Variants in GYS2 observed in about 807,000 individuals in gnomAD.
GYS2 encodes glycogen synthase 2, also known as glycogen [starch] synthase, liver.
In GYS2, 80 loss-of-function variants were observed where a neutral mutation model predicts 85.6. That is an observed-to-expected ratio of 0.93 (90% CI 0.78 to 1.13). GYS2 has a LOEUF of 1.13. Ranked by LOEUF, GYS2 falls within the 50% of genes most tolerant of loss-of-function variation. The probability of loss-of-function intolerance (pLI) is 0.00; values close to 1 mark genes in which losing one functional copy is unlikely to be tolerated. For missense variants in GYS2, 881 were observed against 854.9 expected, an observed-to-expected ratio of 1.03 and a Z score of -0.38; for synonymous variants, 328 against 300.7, an observed-to-expected ratio of 1.09 and a Z score of -0.94.
chr12:21,551,160 C>A (rs1354565561), intron 11 of GYS2, among the ~76,000 whole-genome samples: 6 of 102,990 alleles, frequency 5.8e-5, no homozygotes, highest in African/African-American at 1.9e-4. Flanking sequence ...TCCCTCCCCC[C>A]TCCCCCCACC....
At chr12:21,558,786 T>C (rs1397967434) in intron 10 of GYS2, among the ~76,000 whole-genome samples, 1 of 152,202 alleles carries the variant, frequency 6.6e-6, no homozygotes, top group Non-Finnish European at 1.5e-5. Context: ...AAATTCTATG[T>C]TTTGGAAGTA....
intron 1 of GYS2, among the ~76,000 whole-genome samples, chr12:21,590,462 A>T (rs1343840981): frequency 6.6e-6 from 1 of 152,180 alleles, no homozygotes; most frequent in Non-Finnish European, 1.5e-5. Context: ...CACCTCCTGC[A>T]TGTGCCACCT....
At chr12:21,557,765 T>TG (rs1944198924) in intron 11 of GYS2, among the ~76,000 whole-genome samples, 1 of 151,932 alleles carries the variant, frequency 6.6e-6, no homozygotes, top group South Asian at 2.1e-4. Context: ...CGGGCATGGT[T>TG]GCGGGCGCCT....
intron 13 of GYS2, 44 bp downstream of exon 13, chr12:21,542,452 G>A (rs1591777437): frequency 1.7e-6 from 2 of 1,167,696 alleles, no homozygotes; most frequent in Non-Finnish European, 1.3e-6. Context: ...TGTTTGGTTA[G>A]AGGTCATGTC....
rs1364963978 is a variant in GYS2 at position 21,575,897 on chromosome 12, A to C, written c.464T>G (p.Phe155Cys). Residue 155 changes from phenylalanine (F) to cysteine (C), a missense_variant, in exon 3 of 16, where the codon TTT becomes TGT. Transcript: ENST00000261195. ...TAAGAACCAGGCAGTTAAAGATCCAAATATCAGCATATCATTGGCTTCTCG... is the reference window on the plus strand; with the variant it reads ...TAAGAACCAGGCAGTTAAAGATCCACATATCAGCATATCATTGGCTTCTCG... ...HDREANDMLI[F>C]GSLTAWFLKE... 5 of 1,613,828 alleles carry C rather than the reference A, an allele frequency of 3.1e-6. No homozygotes were observed. The highest frequency in any genetic ancestry group is 3.4e-6 in the Non-Finnish European group (4 of 1,179,760).
Position 21,580,463 on chromosome 12 carries a change from T to C in GYS2, c.182A>G (p.Glu61Gly). 1 of 1,613,396 alleles carries C rather than the reference T, an allele frequency of 6.2e-7. No homozygotes were observed. Among genetic ancestry groups the C allele is most frequent in the Non-Finnish European group, 8.5e-7 (1 of 1,179,438 alleles). The change falls in exon 2 of 16, where the codon GAG (glutamate) becomes GGG (glycine). Residue 61 changes from glutamate to glycine, a missense_variant. By Grantham distance (98) the Glu-to-Gly change is moderately conservative (BLOSUM62 -2). Transcript: ENST00000261195. ...KAKTTADEWG[E>G]NYFLIGPYFE... ...ATATGGACCTATCAGAAAATAGTTC[T>C]CTCCCCATTCATCTGCTGTTGTTTT...
At chr12:21,555,332 C>A (rs1223867271) in intron 11 of GYS2, among the ~76,000 whole-genome samples, 1 of 151,816 alleles carries the variant, frequency 6.6e-6, no homozygotes, top group Admixed American at 6.6e-5. Context: ...TATTTCTGTC[C>A]CTTAGTATTA....
chr12:21,603,492 A>C (rs796454114), intron 1 of GYS2, among the ~76,000 whole-genome samples: 6 of 152,264 alleles, frequency 3.9e-5, no homozygotes, highest in African/African-American at 1.4e-4. Flanking sequence ...AATATATCAC[A>C]TTCTGGTTAT....
In GYS2 at chr12:21,551,557, T is replaced by G. The variant is rs1437575790; in HGVS notation, c.1423-5087A>C. On this transcript the variant is annotated intron_variant, in intron 11 of 15. Coordinates refer to ENST00000261195, the MANE Select transcript of GYS2 (RefSeq NM_021957.4). ...TGAAGTCTTTGTTTTATTGGAGAGATTTACCCCTTGGATCCTCAAGGACAT... is the reference window on the plus strand; with the variant it reads ...TGAAGTCTTTGTTTTATTGGAGAGAGTTACCCCTTGGATCCTCAAGGACAT... Among the ~76,000 whole-genome samples the G allele has an allele frequency of 1.3e-5, 2 of 151,718 alleles. 1 individual carries two copies. Among genetic ancestry groups the G allele is most frequent in the East Asian group, 3.9e-4 (2 of 5,172 alleles).
chr12:21,543,275 C>G (rs1944000559), intron 12 of GYS2, among the ~76,000 whole-genome samples: 1 of 152,142 alleles, frequency 6.6e-6, no homozygotes, highest in Admixed American at 6.6e-5. Flanking sequence ...AAAGATCTTC[C>G]CATTACCCAT....
intron 7 of GYS2, among the ~76,000 whole-genome samples, chr12:21,562,063 T>G (rs559498192): frequency 6.6e-6 from 1 of 152,346 alleles, no homozygotes; most frequent in Non-Finnish European, 1.5e-5. Context: ...CTGCCATCAA[T>G]AGCTATGACA....
intron 12 of GYS2, among the ~76,000 whole-genome samples, chr12:21,545,103 A>T (rs1359110757): frequency 6.6e-6 from 1 of 152,202 alleles, no homozygotes; most frequent in Non-Finnish European, 1.5e-5. Context: ...GGCAACATTT[A>T]CTATCTCAAT....
intron 5 of GYS2, among the ~76,000 whole-genome samples, chr12:21,565,749 AT>A (rs947044183): frequency 4.6e-5 from 7 of 151,716 alleles, no homozygotes; most frequent in African/African-American, 1.7e-4. Flanking sequence ...CCGTTCCATA[AT>A]TTTTTCCTTT....
Position 21,563,244 on chromosome 12 carries a change from G to A in GYS2, c.925C>T (p.Arg309Ter), listed in dbSNP as rs267603422. The change falls in exon 6 of 16, where the codon CGA (arginine) becomes TGA (stop). Residue 309 changes from arginine to a stop codon, truncating the protein, a stop_gained. Coordinates refer to ENST00000261195, the MANE Select transcript of GYS2 (RefSeq NM_021957.4). LOFTEE classifies it high-confidence loss of function. ...MYKARIQDFVRGHFYGHLDFD... is the reference protein window; with the variant it reads ...MYKARIQDFV ...AAATCATACCCATAGAAATGACCTC[G>A]AACAAAATCTTGGATTCTGGCCTTG... The A allele has an allele frequency of 5.2e-5, 84 of 1,600,524 alleles. No individual in the cohort carries two copies. The highest frequency in any genetic ancestry group is 6.7e-5 in the Non-Finnish European group (78 of 1,168,024).
intron 3 of GYS2, 75 bp from the exon 4 acceptor site, chr12:21,574,401 T>C: frequency 9.1e-7 from 1 of 1,095,410 alleles, no homozygotes; most frequent in Non-Finnish European, 1.4e-6. Flanking sequence ...ACATCATAAG[T>C]GGAGTTATGG....
rs547368580 is a variant in GYS2, at chr12:21,583,310, G to C, written c.122-2787C>G. Among the ~76,000 whole-genome samples, 76 of 152,298 alleles carry C rather than the reference G, an allele frequency of 5.0e-4. 1 individual carries two copies. The South Asian group carries it at 0.016, about 31-fold the overall frequency. On this transcript the variant is annotated intron_variant, in intron 1 of 15. Coordinates refer to ENST00000261195, the MANE Select transcript of GYS2 (RefSeq NM_021957.4). ...TTTGAGATATTCCTTCTAAAGTGAAGGATAATTTGCTGCATTTGGCCACTC... is the reference window on the plus strand; with the variant it reads ...TTTGAGATATTCCTTCTAAAGTGAACGATAATTTGCTGCATTTGGCCACTC...
intron 11 of GYS2, among the ~76,000 whole-genome samples, chr12:21,555,605 G>A (rs374081646): frequency 1.3e-5 from 2 of 151,996 alleles, no homozygotes; most frequent in Admixed American, 1.3e-4. Flanking sequence ...TGATCTTCAG[G>A]TAAGGGACTG....
chr12:21,600,504 C>T (rs907567275), intron 1 of GYS2, among the ~76,000 whole-genome samples: 1 of 151,922 alleles, frequency 6.6e-6, no homozygotes, highest in African/African-American at 2.4e-5. Context: ...AGATAAACAT[C>T]GTTAGGTCTC....
rs143210498 is a variant in GYS2, at chr12:21,557,451, A to G, written c.1422+749T>C. ...AATGAATTGCTCTATAGAAAATTTT[A>G]TAAAAACATTATCAGCCACATTCTC... On this transcript the variant is annotated intron_variant, in intron 11 of 15. Coordinates refer to ENST00000261195, the MANE Select transcript of GYS2 (RefSeq NM_021957.4). Among the ~76,000 whole-genome samples, 148 of 152,334 alleles carry G rather than the reference A, an allele frequency of 9.7e-4. 1 individual carries two copies. The East Asian group carries it at 0.023, about 24-fold the overall frequency.
Sources: gnomAD v4.1 joint callset for allele counts (sites outside exome capture counted in the v4.1 genomes callset) on GRCh38, gnomAD v4.1.1 for gene constraint, MANE v1.5 for transcripts, NCBI Gene and HGNC (gene_info 2026-07-23, HGNC 2026-07-21) for gene names.